Variants in APPL1 observed in about 807,000 individuals in gnomAD.
APPL1 encodes the protein adaptor protein, phosphotyrosine interacting with PH domain and leucine zipper 1, also known as DCC-interacting protein 13-alpha.
In APPL1, 42 loss-of-function variants were observed where a neutral mutation model predicts 106.8. That is an observed-to-expected ratio of 0.39 (90% CI 0.31 to 0.51). The LOEUF (loss-of-function observed/expected upper bound fraction) is 0.51. Among genes scored for constraint, APPL1 ranks in the 20% least tolerant of loss-of-function variants. The probability of loss-of-function intolerance (pLI) is 0.75; values close to 1 mark genes in which losing one functional copy is unlikely to be tolerated. For missense variants in APPL1, 769 were observed against 858.2 expected (o/e 0.90, Z 1.30); for synonymous variants, 263 against 281.8 (o/e 0.93, Z 0.67).
At chr3:57,233,485 A>G (rs2060699626) in intron 1 of APPL1, among the ~76,000 whole-genome samples, 1 of 150,202 alleles carries the variant, frequency 6.7e-6, no homozygotes, top group South Asian at 2.1e-4. Context: ...ACCCATTTTT[A>G]GAAAAAAAAA....
chr3:57,266,207 G>A lies in APPL1; in HGVS notation c.1843-1535G>A, dbSNP rs565017993. ...TTTGGTATCAGGTAATACTGGCCTC[G>A]TAGAATGAGTTTGGAAGTATTCCCT... is the stretch of plus-strand genomic sequence containing the variant. On this transcript the variant is annotated intron_variant, in intron 19 of 21. Transcript: ENST00000288266. 5.9e-5 allele frequency among the ~76,000 whole-genome samples: 9 copies of A among 152,168 alleles called. No individual in the cohort carries two copies. The East Asian group carries it at 1.4e-3, about 23-fold the overall frequency.
chr3:57,242,259 A>G (rs1463565676), intron 6 of APPL1, 117 bp downstream of exon 6: 3 of 744,258 alleles, frequency 4.0e-6, no homozygotes, highest in South Asian at 2.2e-5. Flanking sequence ...ATAAGTGAAC[A>G]TTACTTAAAT....
At chr3:57,233,930 A>T (rs1247657727) in intron 1 of APPL1, among the ~76,000 whole-genome samples, 1 of 152,062 alleles carries the variant, frequency 6.6e-6, no homozygotes, top group African/African-American at 2.4e-5. Context: ...AAAAATAGAA[A>T]AAAAGTAGCC....
rs2060840918 is a variant in APPL1 at position 57,257,058 on chromosome 3, T to C, written c.1247+7T>C. ...GCCTGCGGCCAGCAGCAGGGTAAGT[T>C]ACCACACTGAGTTATTTAAAGAAGG... On this transcript the variant is annotated splice_region_variant and intron_variant, in intron 14 of 21. Transcript: ENST00000288266. 1 of 1,613,670 alleles carries C rather than the reference T, an allele frequency of 6.2e-7. No individual in the cohort carries two copies. Among genetic ancestry groups the C allele is most frequent in the Admixed American group, 1.7e-5 (1 of 59,978 alleles).
In APPL1 at chr3:57,227,795, GCGGGC is replaced by G; in HGVS notation, c.-84_-80del. ...ACGGCTGCAGCCCTTGCCGGAGAGG[GCGGGC>G]CGGGGTCAGCTGCGGCGGGCGGGCC... On this transcript the variant is annotated 5_prime_UTR_variant, in exon 1 of 22. Transcript: ENST00000288266. 8.4e-7 allele frequency: 1 copy of G among 1,190,266 alleles called. No individual in the cohort carries two copies. Among genetic ancestry groups the G allele is most frequent in the East Asian group, 3.3e-5 (1 of 30,688 alleles). 73.7% of individuals were successfully genotyped at this position (1,190,266 alleles called of 1,614,324 possible). A position where few individuals can be genotyped will look rare whatever the true frequency, so the allele number is the denominator to read the frequency against.
chr3:57,253,517 TATA>T (rs1246262566), intron 12 of APPL1, among the ~76,000 whole-genome samples, 162 bp from the exon 13 acceptor site: 4 of 151,976 alleles, frequency 2.6e-5, no homozygotes, highest in African/African-American at 9.7e-5. Context: ...GGAAGATAAA[TATA>T]TTACTTCTAA....
chr3:57,259,620 T>C (rs1461988555), intron 16 of APPL1, among the ~76,000 whole-genome samples: 3 of 152,142 alleles, frequency 2.0e-5, no homozygotes, highest in African/African-American at 7.2e-5. Context: ...TGTTGAAGCA[T>C]TACTTTTAGC....
chr3:57,259,137 A>G (rs2060852329), intron 16 of APPL1, 57 bp downstream of exon 16: 2 of 1,411,094 alleles, frequency 1.4e-6, no homozygotes, highest in Non-Finnish European at 2.0e-6. Flanking sequence ...CAAACTGTGA[A>G]TAATTTATTG....
intron 1 of APPL1, among the ~76,000 whole-genome samples, chr3:57,230,542 CAT>C (rs2060681100): frequency 1.3e-5 from 2 of 152,122 alleles, no homozygotes; most frequent in Admixed American, 6.5e-5. Flanking sequence ...AGTATCTTCA[CAT>C]GTTTTTACAT....
chr3:57,246,783 AT>A (rs1348037860), intron 8 of APPL1, among the ~76,000 whole-genome samples: 1 of 152,102 alleles, frequency 6.6e-6, no homozygotes, highest in Non-Finnish European at 1.5e-5. Context: ...TAGGAGGATC[AT>A]TTGAGTCCAG....
intron 13 of APPL1, among the ~76,000 whole-genome samples, chr3:57,255,126 A>G (rs949114437): frequency 6.6e-6 from 1 of 152,224 alleles, no homozygotes; most frequent in Non-Finnish European, 1.5e-5. Context: ...GTGCAGTCCA[A>G]ACATACAGGT....
At position 57,257,426 on chromosome 3, in the gene APPL1, C is replaced by T. The variant is rs2060843100; in HGVS notation, c.1428C>T (p.Gly476=). 6.2e-7 allele frequency: 1 copy of T among 1,609,848 alleles called. No homozygotes were observed. ...PGQAKAFGQG[G]RRTNPFGESG... ...AGGCAAAAGCCTTTGGCCAGGGAGG[C>T]AGGTGGGTGATAGCATCACAGGTAC... The change falls in exon 15 of 22, where the codon GGC becomes GGT. Residue 476 remains glycine, a splice_region_variant and synonymous_variant. Coordinates refer to ENST00000288266, the MANE Select transcript of APPL1 (RefSeq NM_012096.3).
At chr3:57,267,358 G>A (rs2060899907) in intron 19 of APPL1, among the ~76,000 whole-genome samples, 1 of 152,170 alleles carries the variant, frequency 6.6e-6, no homozygotes, top group Non-Finnish European at 1.5e-5. Flanking sequence ...CTGATAGCTG[G>A]TGCAATCTTT....
chr3:57,265,425 C>T (rs986459874), intron 19 of APPL1, among the ~76,000 whole-genome samples: 16 of 152,230 alleles, frequency 1.1e-4, no homozygotes, highest in African/African-American at 3.6e-4. Flanking sequence ...GCTGGGATTA[C>T]AGGCCTGAGC....
chr3:57,257,642 A>G (rs779226877), intron 15 of APPL1, among the ~76,000 whole-genome samples: 9 of 152,152 alleles, frequency 5.9e-5, no homozygotes, highest in Non-Finnish European at 1.0e-4. Flanking sequence ...TTAGTTTCCA[A>G]ATATTTAATT....
chr3:57,237,645 C>G, intron 3 of APPL1, 94 bp downstream of exon 3: 1 of 858,884 alleles, frequency 1.2e-6, no homozygotes, highest in Non-Finnish European at 1.8e-6. Context: ...TTCTTGAATT[C>G]ACAGAATATG....
At chr3:57,247,350 A>G (rs1207966993) in intron 8 of APPL1, 45 bp from the exon 9 acceptor site, 1 of 1,104,468 alleles carries the variant, frequency 9.1e-7, no homozygotes, top group Non-Finnish European at 1.4e-6. Flanking sequence ...GTATTGCTTA[A>G]TCTATTTTTG....
Position 57,269,635 on chromosome 3 carries a change from C to T in APPL1, c.2078C>T (p.Ser693Leu), listed in dbSNP as rs781180985. The change falls in exon 22 of 22, where the codon TCA becomes TTA. Residue 693 changes from serine to leucine, a missense_variant. Transcript: ENST00000288266. ...GQFVVLSSSQ[S>L]EESDLGEGGK... The stretch of plus-strand genomic sequence containing the variant: ...TTTGTTGTCCTTAGCAGTAGCCAGT[C>T]AGAAGAGAGTGATTTGGGAGAAGGA... 4.3e-6 allele frequency: 7 copies of T among 1,613,852 alleles called. No individual in the cohort carries two copies. The highest frequency in any genetic ancestry group is 3.4e-6 in the Non-Finnish European group (4 of 1,179,964).
chr3:57,235,947 T>C (rs2060714079), intron 2 of APPL1, among the ~76,000 whole-genome samples: 1 of 152,132 alleles, frequency 6.6e-6, no homozygotes, highest in South Asian at 2.1e-4. Flanking sequence ...TCACTGATAG[T>C]GATCTTTCCT....
Sources: gnomAD v4.1 joint callset for allele counts (sites outside exome capture counted in the v4.1 genomes callset) on GRCh38, gnomAD v4.1.1 for gene constraint, MANE v1.5 for transcripts, NCBI Gene and HGNC (gene_info 2026-07-23, HGNC 2026-07-21) for gene names.